Variants in MYSM1 observed in about 807,000 individuals in gnomAD.
MYSM1 encodes deubiquitinase MYSM1.
MYSM1 carries 51 observed loss-of-function variants against 116.0 expected under a neutral mutation model. The observed-to-expected ratio is 0.44, with a 90% CI of 0.35 to 0.56. The LOEUF is 0.56. Among genes scored for constraint, MYSM1 ranks in the 20% least tolerant of loss-of-function variants. MYSM1 has a pLI of 0.00. For missense variants in MYSM1, 900 were observed against 974.9 expected (o/e 0.92, Z 1.02); for synonymous variants, 313 against 315.2 (o/e 0.99, Z 0.07).
chr1:58,699,958 C>T (rs1203061866), intron 1 of MYSM1, 27 bp downstream of exon 1: 2 of 1,613,192 alleles, frequency 1.2e-6, no homozygotes, highest in African/African-American at 1.3e-5. Context: ...CTCTCCGCCC[C>T]AGAGAGACCC....
chr1:58,700,042 T>C lies in MYSM1; in HGVS notation c.11A>G (p.Glu4Gly), dbSNP rs1254501506. ...CCCTTCGATATCCACATCCGCCTCT[T>C]CAGCCGCCATGATGGGACCTGACCC... MAA[E>G]EADVDIEGDV... Residue 4 changes from glutamate (E) to glycine (G), a missense_variant, in exon 1 of 20, where the codon GAA (glutamate) becomes GGA (glycine). Glu to Gly is a moderately conservative substitution (Grantham distance 98). Coordinates refer to ENST00000472487, the MANE Select transcript of MYSM1 (RefSeq NM_001085487.3). 1.2e-6 allele frequency: 2 copies of C among 1,613,664 alleles called. No homozygotes were observed. Among genetic ancestry groups the C allele is most frequent in the South Asian group, 1.1e-5 (1 of 91,086 alleles).
Position 58,682,541 on chromosome 1 carries a change from T to G in MYSM1, c.503A>C (p.Lys168Thr). Residue 168 changes from lysine (K) to threonine (T), a missense_variant, in exon 8 of 20, where the codon AAA becomes ACA. Lys to Thr is a moderately conservative substitution (Grantham distance 78, BLOSUM62 -1). This residue lies in a region of MYSM1 where 622 missense variants were observed against 623.7 expected (regional missense o/e 1.00). Coordinates refer to ENST00000472487, the MANE Select transcript of MYSM1 (RefSeq NM_001085487.3). ...TGGTGTTTCTTTATCCAGACCGCAT[T>G]TGACCTTATTAAAAATCAAAATAAA... ...YARQYFKNKVKCGLDKETPNQ... is the reference protein window; with the variant it reads ...YARQYFKNKVTCGLDKETPNQ... 1.3e-6 allele frequency: 2 copies of G among 1,567,816 alleles called. No individual in the cohort carries two copies. Among genetic ancestry groups the G allele is most frequent in the Non-Finnish European group, 1.7e-6 (2 of 1,161,334 alleles).
Position 58,669,026 on chromosome 1 carries a change from G to T in MYSM1, c.1674C>A (p.Pro558=). The part of the protein sequence containing the change: ...VPRPTKSSFD[P]FQLIPCNFFS... Reference sequence around the variant, plus strand: ...AAAAATTACAAGGTATCAGTTGGAAGGGATCAAACGAGCTGAAAAAGAAAA... The same window carrying T: ...AAAAATTACAAGGTATCAGTTGGAATGGATCAAACGAGCTGAAAAAGAAAA... Residue 558 remains proline, a synonymous_variant, in exon 13 of 20, where the codon CCC becomes CCA. Coordinates refer to ENST00000472487, the MANE Select transcript of MYSM1 (RefSeq NM_001085487.3). The T allele has an allele frequency of 6.3e-7, 1 of 1,592,696 alleles. No homozygotes were observed. Among genetic ancestry groups the T allele is most frequent in the Non-Finnish European group, 8.5e-7 (1 of 1,173,424 alleles).
At chr1:58,678,455 G>A (rs1468877932) in intron 8 of MYSM1, among the ~76,000 whole-genome samples, 1 of 152,222 alleles carries the variant, frequency 6.6e-6, no homozygotes, top group East Asian at 1.9e-4. Context: ...TGAACAAATG[G>A]TAAGGACTCT....
intron 3 of MYSM1, among the ~76,000 whole-genome samples, chr1:58,691,365 T>C (rs1287882013): frequency 4.6e-5 from 7 of 152,216 alleles, no homozygotes. Flanking sequence ...AAGTATTTAT[T>C]GGCTATCTAC....
At chr1:58,675,085 A>G (rs1373781890) in intron 10 of MYSM1, among the ~76,000 whole-genome samples, 1 of 152,028 alleles carries the variant, frequency 6.6e-6, no homozygotes, top group Non-Finnish European at 1.5e-5. Flanking sequence ...GAATAAAAAA[A>G]AAGTCTAGTT....
chr1:58,665,128 T>C lies in MYSM1; in HGVS notation c.2164+371A>G, dbSNP rs140277459. On this transcript the variant is annotated intron_variant, in intron 17 of 19. Coordinates refer to ENST00000472487, the MANE Select transcript of MYSM1 (RefSeq NM_001085487.3). ...GACAGAGAGCTGGTGGTCATTTTTT[T>C]TTTCATTTGCATGCCATCACAGAGA... is the stretch of plus-strand genomic sequence containing the variant. Among the ~76,000 whole-genome samples the C allele has an allele frequency of 6.2e-3, 937 of 152,314 alleles. 3 individuals carry two copies. The highest frequency in any genetic ancestry group is 0.019 in the East Asian group (101 of 5,186).
chr1:58,669,354 A>C (rs1644521534), intron 12 of MYSM1, among the ~76,000 whole-genome samples: 1 of 152,232 alleles, frequency 6.6e-6, no homozygotes, highest in Non-Finnish European at 1.5e-5. Flanking sequence ...CAATGAAAAT[A>C]TAATTAACTG....
chr1:58,682,658 G>C, intron 7 of MYSM1, 113 bp from the exon 8 acceptor site: 2 of 976,544 alleles, frequency 2.0e-6, no homozygotes, highest in East Asian at 5.4e-5. Flanking sequence ...ACATGTAAAT[G>C]GTACATTATA....
Position 58,659,250 on chromosome 1 carries a change from G to A in MYSM1, c.*747C>T, listed in dbSNP as rs953545794. ...AAAAGTTTGAGTTATGATTACCTATGTTCCAGTTAAATGAGGTTTTATCAC... is the reference window on the plus strand; with the variant it reads ...AAAAGTTTGAGTTATGATTACCTATATTCCAGTTAAATGAGGTTTTATCAC... On this transcript the variant is annotated 3_prime_UTR_variant, in exon 20 of 20. Coordinates refer to ENST00000472487, the MANE Select transcript of MYSM1 (RefSeq NM_001085487.3). 2.6e-5 allele frequency: 4 copies of A among 152,102 alleles called. No individual in the cohort carries two copies. Among genetic ancestry groups the A allele is most frequent in the African/African-American group, 9.7e-5 (4 of 41,408 alleles). 9.4% of individuals were successfully genotyped at this position (152,102 alleles called of 1,614,324 possible).
intron 8 of MYSM1, among the ~76,000 whole-genome samples, chr1:58,678,096 T>C (rs1644680694): frequency 6.6e-6 from 1 of 152,158 alleles, no homozygotes; most frequent in Admixed American, 6.5e-5. Flanking sequence ...CCATATATAT[T>C]ACACTTTCAG....
At position 58,682,306 on chromosome 1, in the gene MYSM1, C is replaced by T; in HGVS notation, c.738G>A (p.Leu246=). The part of the protein sequence containing the change: ...TPQKNSSSDL[L]LDFPNSKMHE... ...GCATTTTACTATTAGGAAAGTCTAA[C>T]AAGAGATCACTGCTAGAATTCTTCT... Residue 246 remains leucine, a synonymous_variant, in exon 8 of 20, where the codon TTG becomes TTA. Coordinates refer to ENST00000472487, the MANE Select transcript of MYSM1 (RefSeq NM_001085487.3). 6.2e-7 allele frequency: 1 copy of T among 1,613,058 alleles called. No individual in the cohort carries two copies. Among genetic ancestry groups the T allele is most frequent in the Non-Finnish European group, 8.5e-7 (1 of 1,179,274 alleles).
intron 1 of MYSM1, among the ~76,000 whole-genome samples, chr1:58,695,870 C>T (rs879534720): frequency 1.3e-5 from 2 of 152,184 alleles, no homozygotes; most frequent in Non-Finnish European, 2.9e-5. Context: ...TTTAAAGTTA[C>T]ATTGTTTACC....
rs1400976533 is a variant in MYSM1, at chr1:58,682,298, A to G, written c.746T>C (p.Phe249Ser). Residue 249 changes from phenylalanine to serine, a missense_variant, in exon 8 of 20, where the codon TTT (phenylalanine) becomes TCT (serine). Phe to Ser is a radical substitution (Grantham distance 155). This residue lies in a region of MYSM1 where 622 missense variants were observed against 623.7 expected (regional missense o/e 1.00). Transcript: ENST00000472487. ...GGTTTCATGCATTTTACTATTAGGA[A>G]AGTCTAACAAGAGATCACTGCTAGA... ...KNSSSDLLLD[F>S]PNSKMHETNQ... 1.1e-5 allele frequency: 18 copies of G among 1,611,580 alleles called. No homozygotes were observed. The highest frequency in any genetic ancestry group is 1.4e-5 in the Non-Finnish European group (16 of 1,178,202).
intron 11 of MYSM1, among the ~76,000 whole-genome samples, chr1:58,672,866 T>C (rs1413456933): frequency 2.6e-5 from 4 of 152,092 alleles, no homozygotes; most frequent in African/African-American, 7.2e-5. Context: ...ACAAGCCCCT[T>C]ATGGGAAGGA....
intron 8 of MYSM1, among the ~76,000 whole-genome samples, chr1:58,678,161 T>C (rs546638069): frequency 6.6e-5 from 10 of 152,258 alleles, no homozygotes; most frequent in African/African-American, 2.4e-4. Context: ...CAAACAGGCA[T>C]AGACTACTTT....
chr1:58,680,523 T>C (rs4912371), intron 8 of MYSM1, among the ~76,000 whole-genome samples: 49,982 of 152,114 alleles, frequency 0.33, 9,064 homozygotes, highest in Non-Finnish European at 0.41. Context: ...ATCTGTAAGA[T>C]AACTCAAGAA....
rs1053376285 is a variant in MYSM1 at position 58,658,607 on chromosome 1, C to G, written c.*1390G>C. On this transcript the variant is annotated 3_prime_UTR_variant, in exon 20 of 20. Transcript: ENST00000472487. ...TTCTTCATTGGCTATTGATTACAAA[C>G]AAAGCAAAATATAGAATCAATCTGA... 6.6e-6 allele frequency: 1 copy of G among 151,986 alleles called. No homozygotes were observed. Among genetic ancestry groups the G allele is most frequent in the African/African-American group, 2.4e-5 (1 of 41,380 alleles). 9.4% of individuals were successfully genotyped at this position (151,986 alleles called of 1,614,324 possible).
At chr1:58,685,095 C>G in intron 7 of MYSM1, 58 bp downstream of exon 7, 1 of 1,369,310 alleles carries the variant, frequency 7.3e-7, no homozygotes, top group East Asian at 2.4e-5. Context: ...AGAAATACTT[C>G]TGCTTAGTTT....
Sources: gnomAD v4.1 joint callset for allele counts (sites outside exome capture counted in the v4.1 genomes callset) on GRCh38, gnomAD v4.1.1 for gene constraint, gnomAD v4.1.1 regional missense constraint, MANE v1.5 for transcripts, NCBI Gene and HGNC (gene_info 2026-07-23, HGNC 2026-07-21) for gene names.